The following MALRD1 variants were observed in gnomAD, a reference collection of about 807,000 sequenced individuals.
MALRD1 encodes the protein MAM and LDL-receptor class A domain-containing protein 1.
A neutral mutation model predicts 242.1 loss-of-function variants in MALRD1; 247 were observed. That is an observed-to-expected ratio of 1.02 (90% CI 0.92 to 1.13). The LOEUF (loss-of-function observed/expected upper bound fraction) is 1.13. Ranked by LOEUF, MALRD1 falls within the 50% of genes most tolerant of loss-of-function variation. The pLI is 0.00. For synonymous variants in MALRD1, 995 were observed against 866.6 expected, an observed-to-expected ratio of 1.15 and a Z score of -2.60; for missense variants, 2,989 against 2,533.1, an observed-to-expected ratio of 1.18 and a Z score of -3.86.
At chr10:19,326,484 T>C (rs1397779011) in intron 22 of MALRD1, among the ~76,000 whole-genome samples, 1 of 152,088 alleles carries the variant, frequency 6.6e-6, no homozygotes, top group African/African-American at 2.4e-5. Context: ...TTCTCAGTGA[T>C]TTGTATATAG....
chr10:19,530,099 A>G (rs1834287246), intron 31 of MALRD1, among the ~76,000 whole-genome samples: 1 of 151,542 alleles, frequency 6.6e-6, no homozygotes, highest in South Asian at 2.1e-4. Flanking sequence ...ACAATATTTA[A>G]TTAATAAGAG....
chr10:19,222,330 A>T (rs1384537019), intron 18 of MALRD1, among the ~76,000 whole-genome samples: 1 of 152,076 alleles, frequency 6.6e-6, no homozygotes, highest in Non-Finnish European at 1.5e-5. Flanking sequence ...GCCACCTCTG[A>T]TGTTGCAGAT....
At chr10:19,408,870 G>T (rs974227974) in intron 28 of MALRD1, among the ~76,000 whole-genome samples, 6 of 152,136 alleles carry the variant, frequency 3.9e-5, no homozygotes, top group African/African-American at 1.4e-4. Flanking sequence ...CAAAGGGTTT[G>T]GCAGTTTCTC....
chr10:19,391,991 T>C (rs142804978), intron 28 of MALRD1, among the ~76,000 whole-genome samples: 86 of 152,330 alleles, frequency 5.6e-4, no homozygotes, highest in African/African-American at 2.0e-3. Flanking sequence ...CGTTCAAGTC[T>C]AGCCTGAAGA....
intron 31 of MALRD1, among the ~76,000 whole-genome samples, chr10:19,526,271 A>G (rs998382932): frequency 2.6e-5 from 4 of 151,968 alleles, no homozygotes; most frequent in African/African-American, 9.7e-5. Context: ...TATAACATTG[A>G]GATACAGTAC....
At chr10:19,209,007 T>C (rs17665289) in intron 17 of MALRD1, among the ~76,000 whole-genome samples, 5,419 of 152,234 alleles carry the variant, frequency 0.036, 155 homozygotes, top group Middle Eastern at 0.11. Flanking sequence ...GGAGAAGAGA[T>C]GTGCATAAAA....
At chr10:19,170,309 CTATT>C (rs367608486) in intron 13 of MALRD1, among the ~76,000 whole-genome samples, 216 of 152,240 alleles carry the variant, frequency 1.4e-3, no homozygotes, top group Middle Eastern at 0.01. Flanking sequence ...TTCCCCCTAA[CTATT>C]GTGCTGTTTT....
At chr10:19,493,580 C>T (rs867105504) in intron 30 of MALRD1, among the ~76,000 whole-genome samples, 42 of 150,522 alleles carry the variant, frequency 2.8e-4, no homozygotes, top group Middle Eastern at 6.8e-3. Flanking sequence ...GAGGCCGATG[C>T]GGGTGGATCA....
intron 29 of MALRD1, among the ~76,000 whole-genome samples, chr10:19,467,685 G>T (rs1836289089): frequency 1.8e-5 from 1 of 54,650 alleles, no homozygotes; most frequent in African/African-American, 5.3e-5. Context: ...GTACCATAAG[G>T]CTTTTTTGGC....
intron 32 of MALRD1, among the ~76,000 whole-genome samples, chr10:19,556,215 C>A (rs891947381): frequency 6.6e-6 from 1 of 152,136 alleles, no homozygotes; most frequent in Admixed American, 6.6e-5. Context: ...CCTTGTCCTA[C>A]CCAGTTTTCA....
At chr10:19,502,110 A>G (rs2131259584) in intron 31 of MALRD1, among the ~76,000 whole-genome samples, 1 of 152,178 alleles carries the variant, frequency 6.6e-6, no homozygotes, top group South Asian at 2.1e-4. Context: ...TGGTGGTAGC[A>G]CATTTGTGTG....
At chr10:19,546,281 T>G (rs750684504) in intron 32 of MALRD1, among the ~76,000 whole-genome samples, 1 of 152,218 alleles carries the variant, frequency 6.6e-6, no homozygotes, top group African/African-American at 2.4e-5. Context: ...TTCATATTTC[T>G]TTGATGTAAA....
chr10:19,619,813 G>A (rs901611527), intron 36 of MALRD1, among the ~76,000 whole-genome samples: 2 of 151,984 alleles, frequency 1.3e-5, no homozygotes, highest in African/African-American at 2.4e-5. Context: ...TCTGACAAAT[G>A]TGACAACTTA....
intron 38 of MALRD1, among the ~76,000 whole-genome samples, chr10:19,719,231 T>TACACATACATAC (rs1564567434): frequency 2.2e-4 from 7 of 31,418 alleles, no homozygotes; most frequent in African/African-American, 9.5e-4. Flanking sequence ...TACATATATA[T>TACACATACATAC]ATATATATAT....
At chr10:19,521,462 A>G (rs1210682065) in intron 31 of MALRD1, among the ~76,000 whole-genome samples, 1 of 152,096 alleles carries the variant, frequency 6.6e-6, no homozygotes, top group African/African-American at 2.4e-5. Context: ...TTATAAATAT[A>G]TATTAAATAA....
intron 36 of MALRD1, among the ~76,000 whole-genome samples, chr10:19,670,662 A>T (rs1271172967): frequency 6.6e-6 from 1 of 152,176 alleles, no homozygotes; most frequent in Non-Finnish European, 1.5e-5. Flanking sequence ...TCACACTGGC[A>T]CTACAACACC....
intron 18 of MALRD1, among the ~76,000 whole-genome samples, chr10:19,228,793 T>C (rs1218789943): frequency 6.6e-6 from 1 of 152,160 alleles, no homozygotes; most frequent in African/African-American, 2.4e-5. Context: ...CAACAGAATA[T>C]ACACGTGTTT....
chr10:19,515,322 T>A (rs548244524), intron 31 of MALRD1, among the ~76,000 whole-genome samples: 1 of 152,190 alleles, frequency 6.6e-6, no homozygotes, highest in Non-Finnish European at 1.5e-5. Context: ...TTCCTGTAGA[T>A]TGGCAAATCT....
rs112186601 is a variant in MALRD1 at position 19,707,967 on chromosome 10, T to C, written c.6314+15413T>C. Among the ~76,000 whole-genome samples the C allele has an allele frequency of 1.3e-4, 16 of 118,642 alleles. 2 individuals are homozygous for C. The highest frequency in any genetic ancestry group is 3.2e-4 in the South Asian group (1 of 3,158). 77.8% of individuals were successfully genotyped at this position (118,642 alleles called of 152,430 possible). A position where few individuals can be genotyped will look rare whatever the true frequency, so the allele number is the denominator to read the frequency against. ...GTTAGAGCAAGATTCTGTCTAAATA[T>C]GTATTATTTTTCATTATACCTTTAA... is the stretch of plus-strand genomic sequence containing the variant. On this transcript the variant is annotated intron_variant, in intron 38 of 39. Transcript: ENST00000454679.
Sources: allele counts gnomAD v4.1 joint callset (sites outside exome capture counted in the v4.1 genomes callset), GRCh38; gene constraint gnomAD v4.1.1; transcripts MANE v1.5; gene names NCBI Gene and HGNC (gene_info 2026-07-23, HGNC 2026-07-21).